CREB5: variants seen among roughly 807,000 people sequenced by gnomAD.
The protein encoded by CREB5 is cAMP responsive element binding protein 5, also known as cyclic AMP-responsive element-binding protein 5.
CREB5 carries 19 observed loss-of-function variants against 57.1 expected under a neutral mutation model. That is an observed-to-expected ratio of 0.33 (90% CI 0.23 to 0.49). The LOEUF is 0.49. Among genes scored for constraint, CREB5 ranks in the 20% least tolerant of loss-of-function variants. The pLI is 0.99. For synonymous variants in CREB5, 238 were observed against 238.3 expected (o/e 1.00, Z 0.01); for missense variants, 579 against 671.6 (o/e 0.86, Z 1.52).
chr7:28,751,110 C>T (rs1049707824), intron 7 of CREB5, among the ~76,000 whole-genome samples: 1 of 150,900 alleles, frequency 6.6e-6, no homozygotes, highest in Non-Finnish European at 1.5e-5. Context: ...TTTTCCCTTT[C>T]CCCATTAACC....
chr7:28,736,631 C>G (rs933994330), intron 7 of CREB5, among the ~76,000 whole-genome samples: 1 of 152,112 alleles, frequency 6.6e-6, no homozygotes, highest in Non-Finnish European at 1.5e-5. Flanking sequence ...TTGAACCCAG[C>G]TCTGGTTTCA....
At chr7:28,789,021 T>A (rs1807503109) in intron 7 of CREB5, among the ~76,000 whole-genome samples, 1 of 152,176 alleles carries the variant, frequency 6.6e-6, no homozygotes, top group African/African-American at 2.4e-5. Context: ...GCATCTGCCA[T>A]GTTAATCTCC....
At chr7:28,323,087 C>T (rs1023366365) in intron 1 of CREB5, among the ~76,000 whole-genome samples, 4 of 152,186 alleles carry the variant, frequency 2.6e-5, no homozygotes, top group Non-Finnish European at 4.4e-5. Context: ...TCATTTCCTT[C>T]TGTATCCAGC....
At chr7:28,520,455 C>T (rs1398887339) in intron 4 of CREB5, among the ~76,000 whole-genome samples, 1 of 152,208 alleles carries the variant, frequency 6.6e-6, no homozygotes, top group Non-Finnish European at 1.5e-5. Context: ...AGTCTGATTT[C>T]TGAAGTGATC....
intron 1 of CREB5, among the ~76,000 whole-genome samples, chr7:28,413,980 C>A (rs997272756): frequency 6.6e-6 from 1 of 151,926 alleles, no homozygotes; most frequent in African/African-American, 2.4e-5. Flanking sequence ...ATAATATTTT[C>A]TTGTCATTGG....
At chr7:28,511,149 G>A (rs1024830851) in intron 4 of CREB5, among the ~76,000 whole-genome samples, 2 of 151,976 alleles carry the variant, frequency 1.3e-5, no homozygotes, top group Admixed American at 6.5e-5. Flanking sequence ...CATGTCAGAT[G>A]GTGATAAGTG....
chr7:28,716,467 A>G (rs1256271595), intron 5 of CREB5, among the ~76,000 whole-genome samples: 1 of 152,212 alleles, frequency 6.6e-6, no homozygotes, highest in Non-Finnish European at 1.5e-5. Flanking sequence ...GTATGTGTGT[A>G]TAGCTGTATT....
chr7:28,608,045 A>G (rs1488963641), intron 5 of CREB5, among the ~76,000 whole-genome samples: 1 of 151,220 alleles, frequency 6.6e-6, no homozygotes, highest in Admixed American at 6.6e-5. Context: ...GAGATCTTAT[A>G]TGACTTCCCC....
chr7:28,389,974 G>T (rs1787183313), intron 1 of CREB5, among the ~76,000 whole-genome samples: 1 of 151,456 alleles, frequency 6.6e-6, no homozygotes, highest in East Asian at 1.9e-4. Flanking sequence ...CTCTTAATCT[G>T]GTATCCTGGA....
chr7:28,675,100 T>C (rs918801599), intron 5 of CREB5, among the ~76,000 whole-genome samples: 1 of 152,230 alleles, frequency 6.6e-6, no homozygotes, highest in Non-Finnish European at 1.5e-5. Flanking sequence ...TCAGGTAAAA[T>C]GTCATCTCTT....
At chr7:28,392,062 A>C (rs557807269) in intron 1 of CREB5, among the ~76,000 whole-genome samples, 6 of 152,318 alleles carry the variant, frequency 3.9e-5, no homozygotes, top group Middle Eastern at 6.8e-3. Flanking sequence ...TGTAAGTGGA[A>C]GCTAAATGGT....
chr7:28,729,616 G>T (rs1449112918), intron 7 of CREB5, among the ~76,000 whole-genome samples: 2 of 152,218 alleles, frequency 1.3e-5, no homozygotes, highest in Non-Finnish European at 2.9e-5. Flanking sequence ...CACATGAAAA[G>T]ACAGTCTCCA....
Position 28,781,935 on chromosome 7 carries a change from G to GT in CREB5, c.703-22251dup, listed in dbSNP as rs36045067. On this transcript the variant is annotated intron_variant, in intron 7 of 10. Transcript: ENST00000357727. Reference sequence around the variant, plus strand: ...TATTCATTAAATTTCAACAATGTGTGTTTTTTTTTTTTTGAGACAGGAATC... The same window carrying GT: ...TATTCATTAAATTTCAACAATGTGTGTTTTTTTTTTTTTTGAGACAGGAATC... Among the ~76,000 whole-genome samples, 563 of 144,912 alleles carry GT rather than the reference G, an allele frequency of 3.9e-3. 4 individuals are homozygous for GT. Among genetic ancestry groups the GT allele is most frequent in the East Asian group, 0.016 (76 of 4,872 alleles).
At chr7:28,620,661 G>T (rs962658086) in intron 5 of CREB5, among the ~76,000 whole-genome samples, 1 of 152,076 alleles carries the variant, frequency 6.6e-6, no homozygotes, top group Admixed American at 6.5e-5. Context: ...CCTCAGGCTC[G>T]CCCCATTTTA....
rs1376015290 is a variant in CREB5, at chr7:28,825,721, T to G, written c.*6442T>G. On this transcript the variant is annotated 3_prime_UTR_variant, in exon 11 of 11. Coordinates refer to ENST00000357727, the MANE Select transcript of CREB5 (RefSeq NM_182898.4). ...ATGTTTAATTTTGTGTTAAGCTTTT[T>G]GTTGCATCGTGAACACATTTATTGT... The G allele has an allele frequency of 4.6e-5, 7 of 152,668 alleles. No individual in the cohort carries two copies. Among genetic ancestry groups the G allele is most frequent in the Admixed American group, 3.9e-4 (6 of 15,290 alleles). 9.5% of individuals were successfully genotyped at this position (152,668 alleles called of 1,614,324 possible). A position where few individuals can be genotyped will look rare whatever the true frequency, so the allele number is the denominator to read the frequency against.
In CREB5 at chr7:28,806,404, A is replaced by AT. The variant is rs533672986; in HGVS notation, c.1026+1886dup. ...CTTGGCTGATTACTGAGATCTTGCC[A>AT]TTTTGCTTAATTGTATGATTATCTG... On this transcript the variant is annotated intron_variant, in intron 8 of 10. Coordinates refer to ENST00000357727, the MANE Select transcript of CREB5 (RefSeq NM_182898.4). Among the ~76,000 whole-genome samples the AT allele has an allele frequency of 1.4e-3, 210 of 152,292 alleles. 3 individuals carry two copies. Among genetic ancestry groups the AT allele is most frequent in the African/African-American group, 4.9e-3 (204 of 41,560 alleles).
In CREB5 at chr7:28,412,905, T is replaced by C; in HGVS notation, c.-10T>C. ...GGAAGCAACACGTTGCTGCTTTTAT[T>C]CTACAGATAATGGTAAGGATGATGT... On this transcript the variant is annotated 5_prime_UTR_variant, in exon 1 of 11. Coordinates refer to ENST00000357727, the MANE Select transcript of CREB5 (RefSeq NM_182898.4). 6.7e-7 allele frequency: 1 copy of C among 1,492,952 alleles called. No individual in the cohort carries two copies. The highest frequency in any genetic ancestry group is 8.9e-7 in the Non-Finnish European group (1 of 1,118,244). The allele number at this position is 1,492,952 out of a possible 1,614,324, so 92.5% of individuals were successfully genotyped here. A position where few individuals can be genotyped will look rare whatever the true frequency, so the allele number is the denominator to read the frequency against.
intron 5 of CREB5, among the ~76,000 whole-genome samples, chr7:28,676,578 A>T (rs1800333618): frequency 6.6e-6 from 1 of 152,164 alleles, no homozygotes; most frequent in African/African-American, 2.4e-5. Context: ...CAAGCCTACA[A>T]ATTCAAGACT....
intron 1 of CREB5, among the ~76,000 whole-genome samples, chr7:28,372,613 C>T (rs886106903): frequency 4.6e-5 from 7 of 152,104 alleles, no homozygotes; most frequent in African/African-American, 1.4e-4. Context: ...TCTTATTTCT[C>T]CAGTTTATTA....
Sources: allele counts gnomAD v4.1 joint callset (sites outside exome capture counted in the v4.1 genomes callset), GRCh38; gene constraint gnomAD v4.1.1; transcripts MANE v1.5; gene names NCBI Gene and HGNC (gene_info 2026-07-23, HGNC 2026-07-21).